CCDC136: variants seen among roughly 807,000 people sequenced by gnomAD.
The protein encoded by CCDC136 is coiled-coil domain containing 136.
Under a neutral mutation model 141.2 loss-of-function variants are expected in CCDC136, and 100 were observed. The ratio of observed to expected loss-of-function variants is 0.71; its 90% CI spans 0.60 to 0.84. CCDC136 has a LOEUF of 0.84. Among genes scored for constraint, CCDC136 ranks in the 40% least tolerant of loss-of-function variants. CCDC136 has a pLI of 0.00. For synonymous variants in CCDC136, 474 were observed against 531.9 expected, an observed-to-expected ratio of 0.89 and a Z score of 1.50; for missense variants, 1,206 against 1,379.4, an observed-to-expected ratio of 0.87 and a Z score of 1.99.
chr7:128,795,215 C>T (rs891477601), intron 3 of CCDC136, among the ~76,000 whole-genome samples: 2 of 152,174 alleles, frequency 1.3e-5, no homozygotes, highest in Non-Finnish European at 1.5e-5. Context: ...GGTGGGGCCT[C>T]TCTGCACCTA....
intron 15 of CCDC136, 101 bp downstream of exon 15, chr7:128,815,020 GA>G: frequency 9.4e-7 from 1 of 1,058,846 alleles, no homozygotes; most frequent in Non-Finnish European, 1.3e-6. Context: ...GGGATTTGTA[GA>G]GAAGCTTCTG....
chr7:128,814,942 A>G, intron 15 of CCDC136, 23 bp downstream of exon 15: 1 of 1,536,640 alleles, frequency 6.5e-7, no homozygotes, highest in South Asian at 1.3e-5. Context: ...CTTGGTAGCC[A>G]GATAAGCAGA....
chr7:128,801,576 G>A (rs1804031213), intron 4 of CCDC136, 67 bp downstream of exon 4: 3 of 1,116,600 alleles, frequency 2.7e-6, no homozygotes, highest in South Asian at 3.3e-5. Flanking sequence ...TAGGAAAATG[G>A]TAGAAGGTGG....
chr7:128,807,516 C>A lies in CCDC136; in HGVS notation c.1576C>A (p.Pro526Thr). 6.7e-7 allele frequency: 1 copy of A among 1,490,098 alleles called. No homozygotes were observed. Among genetic ancestry groups the A allele is most frequent in the Non-Finnish European group, 9.0e-7 (1 of 1,114,422 alleles). 92.3% of individuals were successfully genotyped at this position (1,490,098 alleles called of 1,614,324 possible). The part of the protein sequence containing the change: ...LKELKASHPI[P>T]EDKGKCANKC... ...AGAGCTCAAGGCCTCCCACCCCATT[C>A]CGGAGGACAAAGGAAAGTGTGCTAA... The change falls in exon 10 of 18, where the codon CCG becomes ACG. Residue 526 changes from proline (P) to threonine (T), a missense_variant. By Grantham distance (38) the Pro-to-Thr change is conservative. Coordinates refer to ENST00000297788, the MANE Select transcript of CCDC136 (RefSeq NM_022742.5).
chr7:128,809,223 GGCCA>G (rs1805325504), intron 10 of CCDC136: 1 of 463,456 alleles, frequency 2.2e-6, no homozygotes, highest in Non-Finnish European at 3.8e-6. Flanking sequence ...TTTAGAGCAA[GGCCA>G]GCCACCAGTC....
intron 14 of CCDC136, among the ~76,000 whole-genome samples, chr7:128,813,267 C>T (rs1806063903): frequency 6.6e-6 from 1 of 152,188 alleles, no homozygotes; most frequent in African/African-American, 2.4e-5. Flanking sequence ...TCTCCCGGTG[C>T]ACCAACTAGG....
Position 128,812,006 on chromosome 7 carries a change from G to T in CCDC136, c.2235G>T (p.Gly745=), listed in dbSNP as rs765935259. 6 of 1,613,974 alleles carry T rather than the reference G, an allele frequency of 3.7e-6. No individual in the cohort carries two copies. The highest frequency in any genetic ancestry group is 4.2e-6 in the Non-Finnish European group (5 of 1,179,846). The change falls in exon 13 of 18, where the codon GGG becomes GGT. Residue 745 remains glycine, a synonymous_variant. Transcript: ENST00000297788. ...TAAAAATGAGCCTTGAGTCCTACGG[G>T]AAGAGCTATGGTAGCATGGTCCCCA... ...PSIKMSLESY[G]KSYGSMVPSN... is the part of the protein sequence containing the mutation.
At chr7:128,804,515 A>G (rs1165108212) in intron 4 of CCDC136, 135 bp from the exon 5 acceptor site, 8 of 628,618 alleles carry the variant, frequency 1.3e-5, no homozygotes, top group South Asian at 8.3e-5. Flanking sequence ...CTAAGCCTCT[A>G]CCTTTTTTCT....
Position 128,794,460 on chromosome 7 carries a change from G to A in CCDC136, c.129G>A (p.Leu43=). 6.4e-7 allele frequency: 1 copy of A among 1,552,396 alleles called. No individual in the cohort carries two copies. Among genetic ancestry groups the A allele is most frequent in the Non-Finnish European group, 8.7e-7 (1 of 1,147,248 alleles). Residue 43 remains leucine, a synonymous_variant, in exon 2 of 18, where the codon CTG becomes CTA. Transcript: ENST00000297788. This position sits in a 1 kb window ranked among gnomAD's most constrained non-coding sequence, Gnocchi z 4.3. ...AGAAAGGTGGCAGTGTTGGCTCTCT[G>A]TCAGTCAACAAGCACCGGGGACTGA... is the stretch of plus-strand genomic sequence containing the variant. ...QVQKGGSVGS[L]SVNKHRGLSL...
upstream of CCDC136, chr7:128,791,933 C>A: frequency 1.3e-6 from 1 of 773,046 alleles, no homozygotes; most frequent in Non-Finnish European, 1.7e-6. The surrounding 1 kb of genome is among the most constrained non-coding windows in gnomAD (Gnocchi z 7.1). Flanking sequence ...GGTCGCAGCC[C>A]TACCCCTTCC....
chr7:128,813,378 C>T (rs998818896), intron 14 of CCDC136, among the ~76,000 whole-genome samples: 10 of 152,180 alleles, frequency 6.6e-5, no homozygotes, highest in African/African-American at 2.4e-4. Flanking sequence ...AGGAATGGGA[C>T]AGAAGTCTTG....
chr7:128,817,548 T>C lies in CCDC136; in HGVS notation c.3364-210T>C, dbSNP rs1344008705. On this transcript the variant is annotated intron_variant, in intron 16 of 17. Coordinates refer to ENST00000297788, the MANE Select transcript of CCDC136 (RefSeq NM_022742.5). This position sits in a 1 kb window ranked among gnomAD's most constrained non-coding sequence, Gnocchi z 4.6. ...AGCTGCTGCTTAACCCATTCAATTT[T>C]GCAATTCCTGCAGACTGCCGGTGGA... 6.6e-6 allele frequency among the ~76,000 whole-genome samples: 1 copy of C among 152,182 alleles called. No homozygotes were observed. The highest frequency in any genetic ancestry group is 2.4e-5 in the African/African-American group (1 of 41,440).
At position 128,794,277 on chromosome 7, in the gene CCDC136, T is replaced by C; in HGVS notation, c.17-71T>C. On this transcript the variant is annotated intron_variant, in intron 1 of 17. Coordinates refer to ENST00000297788, the MANE Select transcript of CCDC136 (RefSeq NM_022742.5). The surrounding 1 kb of genome is among the most constrained non-coding windows in gnomAD (Gnocchi z 4.3). Reference sequence around the variant, plus strand: ...TCATCTCTGCCCTGGCATAGTGAGTTTGAGGGCCCTGGAAGGACGGCAGAA... The same window carrying C: ...TCATCTCTGCCCTGGCATAGTGAGTCTGAGGGCCCTGGAAGGACGGCAGAA... 1.3e-6 allele frequency: 2 copies of C among 1,548,098 alleles called. No individual in the cohort carries two copies. Among genetic ancestry groups the C allele is most frequent in the South Asian group, 2.4e-5 (2 of 83,392 alleles).
chr7:128,811,113 C>G (rs905681823), intron 12 of CCDC136: 2 of 323,748 alleles, frequency 6.2e-6, no homozygotes. Context: ...TCTATTCATT[C>G]AGATCTTATT....
Position 128,804,646 on chromosome 7 carries a change from G to T in CCDC136, c.671-4G>T. Reference sequence around the variant, plus strand: ...TCTCATCTCTCTCTGCCTGTCCTCTGCAGAAGAACTGCAGGAGCTGCGGGA... The same window carrying T: ...TCTCATCTCTCTCTGCCTGTCCTCTTCAGAAGAACTGCAGGAGCTGCGGGA... On this transcript the variant is annotated splice_region_variant and splice_polypyrimidine_tract_variant and intron_variant, in intron 4 of 17. Coordinates refer to ENST00000297788, the MANE Select transcript of CCDC136 (RefSeq NM_022742.5). 6.5e-7 allele frequency: 1 copy of T among 1,547,996 alleles called. No individual in the cohort carries two copies. The highest frequency in any genetic ancestry group is 8.8e-7 in the Non-Finnish European group (1 of 1,140,416).
chr7:128,809,023 C>A, intron 10 of CCDC136: 1 of 957,798 alleles, frequency 1.0e-6, no homozygotes, highest in Non-Finnish European at 1.2e-6. Flanking sequence ...GAAATTAAGT[C>A]CTTATTTGTA....
intron 15 of CCDC136, 51 bp from the exon 16 acceptor site, chr7:128,815,563 G>C: frequency 6.6e-7 from 1 of 1,506,314 alleles, no homozygotes; most frequent in Non-Finnish European, 8.9e-7. Context: ...CATGAGATTA[G>C]GAGCTTCACA....
chr7:128,820,072 T>C (rs1807231646), intron 17 of CCDC136, among the ~76,000 whole-genome samples: 1 of 152,210 alleles, frequency 6.6e-6, no homozygotes, highest in Admixed American at 6.5e-5. Context: ...GTGTTTTTAA[T>C]CTTGACCCTG....
Position 128,810,390 on chromosome 7 carries a change from G to A in CCDC136, c.2028+24G>A, listed in dbSNP as rs756145923. The A allele has an allele frequency of 2.6e-6, 4 of 1,538,642 alleles. No individual in the cohort carries two copies. In the South Asian group the frequency reaches 4.6e-5, roughly 18 times the overall value. Reference sequence around the variant, plus strand: ...AGGTAACCATAGCAAGAGGTAGGGAGACAGTTCTCCTGAGCACAACAGCAT... The same window carrying A: ...AGGTAACCATAGCAAGAGGTAGGGAAACAGTTCTCCTGAGCACAACAGCAT... On this transcript the variant is annotated intron_variant, in intron 12 of 17. Transcript: ENST00000297788.
Sources: allele counts gnomAD v4.1 joint callset (sites outside exome capture counted in the v4.1 genomes callset), GRCh38; gene constraint gnomAD v4.1.1; non-coding constraint Gnocchi (gnomAD v3.1); transcripts MANE v1.5; gene names NCBI Gene and HGNC (gene_info 2026-07-23, HGNC 2026-07-21).